Variants in MEI4 observed in about 807,000 individuals in gnomAD.
The protein encoded by MEI4 is meiosis-specific protein MEI4.
A neutral mutation model predicts 31.4 loss-of-function variants in MEI4; 27 were observed. The ratio of observed to expected loss-of-function variants is 0.86; its 90% CI spans 0.63 to 1.19. The LOEUF (loss-of-function observed/expected upper bound fraction) is 1.19. Ranked by LOEUF, MEI4 falls within the 50% of genes most tolerant of loss-of-function variation. MEI4 has a pLI of 0.00. For missense variants in MEI4, 329 were observed against 398.9 expected, an observed-to-expected ratio of 0.82 and a Z score of 1.49; for synonymous variants, 122 against 145.4, an observed-to-expected ratio of 0.84 and a Z score of 1.16.
intron 4 of MEI4, among the ~76,000 whole-genome samples, chr6:77,845,961 T>C (rs577259060): frequency 6.6e-6 from 1 of 151,992 alleles, no homozygotes; most frequent in Non-Finnish European, 1.5e-5. Flanking sequence ...TTGTGGGGTT[T>C]ATAGAGCTCC....
At chr6:77,920,908 G>T (rs929678030) in intron 4 of MEI4, among the ~76,000 whole-genome samples, 1 of 151,874 alleles carries the variant, frequency 6.6e-6, no homozygotes, top group Admixed American at 6.6e-5. Context: ...ATCCAGGCTT[G>T]TTGTTTTATT....
chr6:77,680,638 C>T (rs1768940271), intron 1 of MEI4, among the ~76,000 whole-genome samples: 1 of 152,112 alleles, frequency 6.6e-6, no homozygotes, highest in Non-Finnish European at 1.5e-5. Flanking sequence ...GGAAGGGCTC[C>T]ATATTTGTGA....
chr6:77,758,656 A>G (rs1767969828), intron 2 of MEI4, among the ~76,000 whole-genome samples: 1 of 152,186 alleles, frequency 6.6e-6, no homozygotes, highest in African/African-American at 2.4e-5. Context: ...GGCTTAGAGA[A>G]AAGTGTTTAC....
At chr6:77,892,535 C>T (rs1562028259) in intron 4 of MEI4, among the ~76,000 whole-genome samples, 2 of 152,026 alleles carry the variant, frequency 1.3e-5, no homozygotes, top group African/African-American at 4.8e-5. Context: ...TGCAGGTGTT[C>T]TCTGGCCCTA....
chr6:77,761,107 CCTT>C lies in MEI4; in HGVS notation c.233-20_233-18del. 8.1e-7 allele frequency: 1 copy of C among 1,229,948 alleles called. No homozygotes were observed. Among genetic ancestry groups the C allele is most frequent in the Non-Finnish European group, 1.0e-6 (1 of 986,130 alleles). 76.2% of individuals were successfully genotyped at this position (1,229,948 alleles called of 1,614,324 possible). On this transcript the variant is annotated intron_variant, in intron 2 of 4. Coordinates refer to ENST00000684080, the MANE Select transcript of MEI4 (RefSeq NM_001322247.2). ...GAAATTTCAGCTGCATGAAGATAAT[CCTT>C]CTATTCCTTTATTTTTCAGGATACG... is the stretch of plus-strand genomic sequence containing the variant.
chr6:77,796,923 C>G (rs1287863121), intron 3 of MEI4, among the ~76,000 whole-genome samples: 2 of 152,068 alleles, frequency 1.3e-5, no homozygotes, highest in Non-Finnish European at 2.9e-5. Context: ...ATTTACACTC[C>G]CTGTTTTGAA....
rs116581684 is a variant in MEI4, at chr6:77,878,113, A to G, written c.901-44976A>G. Among the ~76,000 whole-genome samples the G allele has an allele frequency of 5.9e-3, 896 of 152,244 alleles. 11 individuals are homozygous for G. Among genetic ancestry groups the G allele is most frequent in the African/African-American group, 0.021 (860 of 41,554 alleles). On this transcript the variant is annotated intron_variant, in intron 4 of 4. Coordinates refer to ENST00000684080, the MANE Select transcript of MEI4 (RefSeq NM_001322247.2). ...AAAGATTGGTTTGATTCAGGTACTA[A>G]GTAGTCATCAGAGGTGGCATTGTGT...
At chr6:77,816,922 A>C (rs903107321) in intron 3 of MEI4, among the ~76,000 whole-genome samples, 2 of 152,086 alleles carry the variant, frequency 1.3e-5, no homozygotes, top group Admixed American at 6.6e-5. Context: ...GCAATGTTGT[A>C]TCTGTTAAGA....
At chr6:77,698,868 A>G (rs567704809) in intron 2 of MEI4, among the ~76,000 whole-genome samples, 9 of 152,142 alleles carry the variant, frequency 5.9e-5, no homozygotes. Context: ...AGTGTTTTCC[A>G]ACTTGGTTCC....
At chr6:77,826,158 T>A (rs1367434871) in intron 3 of MEI4, among the ~76,000 whole-genome samples, 2 of 152,246 alleles carry the variant, frequency 1.3e-5, no homozygotes, top group Non-Finnish European at 2.9e-5. Context: ...GGAGTATTGT[T>A]GTGTATACCT....
chr6:77,897,584 C>T (rs141218144), intron 4 of MEI4, among the ~76,000 whole-genome samples: 42 of 151,670 alleles, frequency 2.8e-4, no homozygotes, highest in African/African-American at 7.5e-4. Flanking sequence ...GTTTCCAATA[C>T]GAAAAAAGGG....
chr6:77,809,672 A>C (rs1769526874), intron 3 of MEI4, among the ~76,000 whole-genome samples: 1 of 152,162 alleles, frequency 6.6e-6, no homozygotes, highest in Non-Finnish European at 1.5e-5. Context: ...GAGGCTGAGA[A>C]TTCTGTCTTT....
At position 77,882,682 on chromosome 6, in the gene MEI4, C is replaced by T. The variant is rs117012185; in HGVS notation, c.901-40407C>T. On this transcript the variant is annotated intron_variant, in intron 4 of 4. Coordinates refer to ENST00000684080, the MANE Select transcript of MEI4 (RefSeq NM_001322247.2). Reference sequence around the variant, plus strand: ...GCGCAGACTACTTTGTGTAGTCTACCAGGAAGGGTTTTGTGGAAGCCTTTT... The same window carrying T: ...GCGCAGACTACTTTGTGTAGTCTACTAGGAAGGGTTTTGTGGAAGCCTTTT... 7.9e-3 allele frequency among the ~76,000 whole-genome samples: 1,200 copies of T among 152,154 alleles called. 9 individuals are homozygous for T. The highest frequency in any genetic ancestry group is 0.012 in the Non-Finnish European group (790 of 67,986).
At chr6:77,712,883 A>G (rs1323239336) in intron 2 of MEI4, among the ~76,000 whole-genome samples, 1 of 151,902 alleles carries the variant, frequency 6.6e-6, no homozygotes, top group South Asian at 2.1e-4. Flanking sequence ...AGGCAGGAGA[A>G]TGGCGTAAAC....
intron 3 of MEI4, among the ~76,000 whole-genome samples, chr6:77,776,080 T>C (rs1259549090): frequency 6.6e-6 from 1 of 152,158 alleles, no homozygotes; most frequent in Non-Finnish European, 1.5e-5. Flanking sequence ...AGATTCTGGC[T>C]ATTAGTCCTT....
chr6:77,777,104 T>A (rs1245611069), intron 3 of MEI4, among the ~76,000 whole-genome samples: 2 of 152,150 alleles, frequency 1.3e-5, no homozygotes, highest in Non-Finnish European at 2.9e-5. Flanking sequence ...AAATCTAAAC[T>A]GGCCCCTATC....
At chr6:77,735,427 G>A (rs145412056) in intron 2 of MEI4, among the ~76,000 whole-genome samples, 5,007 of 151,778 alleles carry the variant, frequency 0.033, 114 homozygotes, top group Middle Eastern at 0.096. Flanking sequence ...TGATCGCATC[G>A]GCTCCTGAGG....
chr6:77,657,562 C>T (rs1018844475), intron 1 of MEI4, among the ~76,000 whole-genome samples: 8 of 152,052 alleles, frequency 5.3e-5, no homozygotes, highest in African/African-American at 1.9e-4. Context: ...CCCTCAGCTC[C>T]TTTCTTCCTT....
chr6:77,924,165 T>TA lies in MEI4; in HGVS notation c.*823dup, dbSNP rs1264180837. On this transcript the variant is annotated 3_prime_UTR_variant, in exon 5 of 5. Transcript: ENST00000684080. ...ATTTCATTGACTTCATTTCAATGAT[T>TA]AAAATCATAACCGCAAACTTAATGA... The TA allele has an allele frequency of 6.6e-6, 1 of 151,858 alleles. No homozygotes were observed. The highest frequency in any genetic ancestry group is 1.5e-5 in the Non-Finnish European group (1 of 67,862). The allele number at this position is 151,858 out of a possible 1,614,324, so 9.4% of individuals were successfully genotyped here. A position where few individuals can be genotyped will look rare whatever the true frequency, so the allele number is the denominator to read the frequency against.
Sources: gnomAD v4.1 joint callset for allele counts (sites outside exome capture counted in the v4.1 genomes callset) on GRCh38, gnomAD v4.1.1 for gene constraint, MANE v1.5 for transcripts, NCBI Gene and HGNC (gene_info 2026-07-23, HGNC 2026-07-21) for gene names.